The following CNTNAP2 variants were observed in gnomAD, a reference collection of about 807,000 sequenced individuals.
CNTNAP2 encodes contactin associated protein 2.
A neutral mutation model predicts 155.2 loss-of-function variants in CNTNAP2; 98 were observed. That is an observed-to-expected ratio of 0.63 (90% CI 0.54 to 0.75). The LOEUF (loss-of-function observed/expected upper bound fraction) is 0.75. Among genes scored for constraint, CNTNAP2 ranks in the 30% least tolerant of loss-of-function variants. The pLI is 0.00. For synonymous variants in CNTNAP2, 651 were observed against 631.2 expected, an observed-to-expected ratio of 1.03 and a Z score of -0.47; for missense variants, 1,727 against 1,688.1, an observed-to-expected ratio of 1.02 and a Z score of -0.40.
chr7:147,696,332 G>A (rs1161618837), intron 13 of CNTNAP2, among the ~76,000 whole-genome samples: 2 of 151,968 alleles, frequency 1.3e-5, no homozygotes, highest in East Asian at 3.9e-4. Flanking sequence ...TCTTTTCTTA[G>A]TGTCTCAATT....
At chr7:146,146,135 T>C (rs1797955448) in intron 1 of CNTNAP2, among the ~76,000 whole-genome samples, 1 of 152,124 alleles carries the variant, frequency 6.6e-6, no homozygotes, top group Admixed American at 6.6e-5. Flanking sequence ...CATTTTAAGA[T>C]CTCTGTAGTA....
At chr7:147,065,662 T>TGGCCGGGCGCGGTGGCTC (rs1799765332) in intron 4 of CNTNAP2, among the ~76,000 whole-genome samples, 1 of 152,176 alleles carries the variant, frequency 6.6e-6, no homozygotes, top group Admixed American at 6.5e-5. Flanking sequence ...TATGAGGAAT[T>TGGCCGGGCGCGGTGGCTC]AATTATGCTT....
chr7:148,147,631 G>A lies in CNTNAP2; in HGVS notation c.2695G>A (p.Asp899Asn). 6.2e-7 allele frequency: 1 copy of A among 1,614,124 alleles called. No homozygotes were observed. The highest frequency in any genetic ancestry group is 8.5e-7 in the Non-Finnish European group (1 of 1,180,032). Residue 899 changes from aspartate (D) to asparagine (N), a missense_variant, in exon 17 of 24, where the codon GAC becomes AAC. Coordinates refer to ENST00000361727, the MANE Select transcript of CNTNAP2 (RefSeq NM_014141.6). ...RNVKQASLQV[D>N]RLPQQIRKAP... ...TGTCAAGCAGGCCAGCCTACAGGTG[G>A]ACCGGCTACCGCAGCAGATCCGCAA...
At chr7:146,687,771 G>A (rs1052210355) in intron 1 of CNTNAP2, among the ~76,000 whole-genome samples, 5 of 152,300 alleles carry the variant, frequency 3.3e-5, no homozygotes, top group South Asian at 2.1e-4. Context: ...GAGGGGCGAA[G>A]AGAGAGACAG....
intron 15 of CNTNAP2, among the ~76,000 whole-genome samples, chr7:148,017,845 G>A (rs900298318): frequency 2.0e-5 from 3 of 152,308 alleles, no homozygotes; most frequent in Non-Finnish European, 2.9e-5. Flanking sequence ...TGAGAAAAAC[G>A]TTGCTTCAGA....
intron 9 of CNTNAP2, among the ~76,000 whole-genome samples, chr7:147,375,751 ACTTCATTGAAAT>A (rs1796423137): frequency 6.6e-6 from 1 of 151,944 alleles, no homozygotes; most frequent in South Asian, 2.1e-4. Context: ...ATCTTTAAAA[ACTTCATTGAAAT>A]CTCTCACCCA....
intron 1 of CNTNAP2, among the ~76,000 whole-genome samples, chr7:146,754,554 GTCTC>G (rs143802449): frequency 0.014 from 2,013 of 144,916 alleles, 19 homozygotes; most frequent in Non-Finnish European, 0.021. Context: ...CTCTCTCTCT[GTCTC>G]TCTCTCTCTC....
At chr7:147,899,530 T>C (rs1218394036) in intron 13 of CNTNAP2, among the ~76,000 whole-genome samples, 2 of 152,112 alleles carry the variant, frequency 1.3e-5, no homozygotes, top group Non-Finnish European at 2.9e-5. Flanking sequence ...TTAAAAGTTG[T>C]CAAGAGAGTG....
chr7:147,327,604 G>A (rs1795483733), intron 9 of CNTNAP2, among the ~76,000 whole-genome samples: 1 of 152,114 alleles, frequency 6.6e-6, no homozygotes, highest in African/African-American at 2.4e-5. Context: ...AAGCTGTTCT[G>A]CATTCCTTTT....
intron 14 of CNTNAP2, among the ~76,000 whole-genome samples, chr7:147,957,093 T>A (rs1419200601): frequency 6.6e-6 from 1 of 151,990 alleles, no homozygotes; most frequent in Non-Finnish European, 1.5e-5. Context: ...GGAGAAAAGG[T>A]GTTTGAGGTT....
chr7:146,276,249 A>G (rs1800161634), intron 1 of CNTNAP2, among the ~76,000 whole-genome samples: 1 of 152,226 alleles, frequency 6.6e-6, no homozygotes, highest in South Asian at 2.1e-4. Context: ...TGCTAAACAT[A>G]AAGTCAATTC....
intron 9 of CNTNAP2, among the ~76,000 whole-genome samples, chr7:147,340,418 C>T (rs554953822): frequency 6.6e-6 from 1 of 152,048 alleles, no homozygotes; most frequent in African/African-American, 2.4e-5. Flanking sequence ...ATTTTCTGTG[C>T]TTTTTATTTT....
At chr7:147,370,028 T>C (rs1266976865) in intron 9 of CNTNAP2, among the ~76,000 whole-genome samples, 1 of 152,170 alleles carries the variant, frequency 6.6e-6, no homozygotes, top group Non-Finnish European at 1.5e-5. Flanking sequence ...CCTCAGAAAT[T>C]CTGTCCCTTG....
chr7:148,300,839 A>T (rs1797374176), intron 21 of CNTNAP2, among the ~76,000 whole-genome samples: 2 of 152,314 alleles, frequency 1.3e-5, no homozygotes, highest in African/African-American at 4.8e-5. Context: ...ACAGAAAGTC[A>T]GATGGTGACT....
intron 10 of CNTNAP2, among the ~76,000 whole-genome samples, chr7:147,474,949 C>G (rs373043069): frequency 4.3e-4 from 66 of 152,266 alleles, no homozygotes; most frequent in African/African-American, 1.5e-3. Context: ...CACACAACAG[C>G]TAGAACAATC....
At chr7:146,525,274 G>GT (rs1010019843) in intron 1 of CNTNAP2, among the ~76,000 whole-genome samples, 5 of 151,814 alleles carry the variant, frequency 3.3e-5, no homozygotes, top group Admixed American at 6.6e-5. Context: ...AAGAAATGAA[G>GT]TTTTTTTCTA....
intron 9 of CNTNAP2, among the ~76,000 whole-genome samples, chr7:147,366,044 C>T (rs966045332): frequency 1.2e-4 from 19 of 152,102 alleles, no homozygotes; most frequent in African/African-American, 3.4e-4. Flanking sequence ...AGGTCCTTTC[C>T]TTCATCAAGA....
chr7:147,406,900 C>G (rs941701524), intron 10 of CNTNAP2, among the ~76,000 whole-genome samples: 2 of 152,062 alleles, frequency 1.3e-5, no homozygotes, highest in Non-Finnish European at 1.5e-5. Context: ...CACTAAGTAC[C>G]ATACAACATT....
chr7:147,078,763 T>A (rs1800049539), intron 4 of CNTNAP2, among the ~76,000 whole-genome samples: 1 of 152,094 alleles, frequency 6.6e-6, no homozygotes, highest in African/African-American at 2.4e-5. Flanking sequence ...AATTTTTTTT[T>A]TTTTGAGATA....
Sources: gnomAD v4.1 joint callset for allele counts (sites outside exome capture counted in the v4.1 genomes callset) on GRCh38, gnomAD v4.1.1 for gene constraint, MANE v1.5 for transcripts, NCBI Gene and HGNC (gene_info 2026-07-23, HGNC 2026-07-21) for gene names.